The following PTPDC1 variants were observed in gnomAD, a reference collection of about 807,000 sequenced individuals.
PTPDC1 encodes protein tyrosine phosphatase domain containing 1.
In PTPDC1, 53 loss-of-function variants were observed where a neutral mutation model predicts 75.3. That is an observed-to-expected ratio of 0.70 (90% CI 0.56 to 0.88). PTPDC1 has a LOEUF of 0.88. Ranked by LOEUF, PTPDC1 falls within the 40% of genes least tolerant of loss-of-function variation. PTPDC1 has a pLI of 0.00. For missense variants in PTPDC1, 925 were observed against 998.6 expected (o/e 0.93, Z 0.99); for synonymous variants, 349 against 366.2 (o/e 0.95, Z 0.54).
chr9:94,067,486 C>T (rs2117885245), intron 2 of PTPDC1, among the ~76,000 whole-genome samples: 1 of 152,008 alleles, frequency 6.6e-6, no homozygotes, highest in Admixed American at 6.5e-5. Context: ...AATATCTAAA[C>T]AGTGTTCAAT....
intron 3 of PTPDC1, 54 bp from the exon 4 acceptor site, chr9:94,088,091 A>G (rs1047368277): frequency 6.3e-7 from 1 of 1,582,096 alleles, no homozygotes; most frequent in African/African-American, 1.4e-5. Flanking sequence ...AAAAATGGTT[A>G]ATTTTTTTTA....
intron 2 of PTPDC1, among the ~76,000 whole-genome samples, chr9:94,079,291 G>GTT (rs998615806): frequency 6.7e-6 from 1 of 148,394 alleles, no homozygotes; most frequent in Non-Finnish European, 1.5e-5. Flanking sequence ...GAAGACAGTG[G>GTT]TTTTTTTTTA....
chr9:94,077,459 G>A (rs1826733124), intron 2 of PTPDC1, among the ~76,000 whole-genome samples: 1 of 152,120 alleles, frequency 6.6e-6, no homozygotes, highest in Non-Finnish European at 1.5e-5. Flanking sequence ...TATAAATTGG[G>A]GTTCCCACAC....
chr9:94,062,686 A>G (rs1423589426), intron 1 of PTPDC1, among the ~76,000 whole-genome samples: 1 of 152,128 alleles, frequency 6.6e-6, no homozygotes, highest in African/African-American at 2.4e-5. Context: ...CTACCACAAC[A>G]TCAAGGAGAT....
intron 2 of PTPDC1, among the ~76,000 whole-genome samples, chr9:94,077,275 A>G (rs956782480): frequency 1.3e-5 from 2 of 152,224 alleles, no homozygotes; most frequent in East Asian, 3.8e-4. Flanking sequence ...CAAACAAGCA[A>G]TAAATTCTGC....
upstream of PTPDC1, among the ~76,000 whole-genome samples, chr9:94,083,470 T>A (rs1486463801): frequency 6.7e-6 from 1 of 149,678 alleles, no homozygotes; most frequent in Admixed American, 6.7e-5. Context: ...AAAAAAAAAA[T>A]AGAAAATAGC....
chr9:94,084,458 G>C, upstream of PTPDC1: 1 of 1,583,268 alleles, frequency 6.3e-7, no homozygotes. Context: ...AATGCTCCCT[G>C]CTCTCAGTGA....
At chr9:94,066,703 G>A (rs141238061) in intron 2 of PTPDC1, among the ~76,000 whole-genome samples, 220 of 152,004 alleles carry the variant, frequency 1.4e-3, no homozygotes, top group Non-Finnish European at 2.4e-3. Context: ...GACCACAGGT[G>A]CATGCCACCA....
chr9:94,042,578 C>G (rs150588889), intron 1 of PTPDC1, among the ~76,000 whole-genome samples: 1 of 152,290 alleles, frequency 6.6e-6, no homozygotes, highest in Non-Finnish European at 1.5e-5. Flanking sequence ...ATCAACTGAG[C>G]CTCCAGTGAG....
intron 1 of PTPDC1, among the ~76,000 whole-genome samples, chr9:94,045,788 G>A (rs1825577945): frequency 1.3e-5 from 2 of 151,450 alleles, no homozygotes; most frequent in Non-Finnish European, 3.0e-5. Flanking sequence ...CTCCCATTCT[G>A]TAGGTTGCCT....
At chr9:94,070,291 G>T (rs1019432930) in intron 2 of PTPDC1, among the ~76,000 whole-genome samples, 1 of 151,876 alleles carries the variant, frequency 6.6e-6, no homozygotes, top group Admixed American at 6.6e-5. Context: ...CACCCAACTC[G>T]GCTGTATTTT....
chr9:94,046,771 T>A (rs1239676995), intron 1 of PTPDC1, among the ~76,000 whole-genome samples: 3 of 152,202 alleles, frequency 2.0e-5, no homozygotes, highest in Admixed American at 2.0e-4. Flanking sequence ...TTTCTAGATA[T>A]ACAATCATGT....
At chr9:94,037,974 A>G (rs896020499) in intron 1 of PTPDC1, 17 of 286,154 alleles carry the variant, frequency 5.9e-5, no homozygotes, top group Admixed American at 3.1e-4. Context: ...AGAGAGTGGG[A>G]CGTCCGGCTT....
At chr9:94,071,491 A>C (rs953723089) in intron 2 of PTPDC1, among the ~76,000 whole-genome samples, 7 of 151,766 alleles carry the variant, frequency 4.6e-5, no homozygotes, top group African/African-American at 1.7e-4. Flanking sequence ...AAAGTTTTTA[A>C]TTTTCATGAA....
intron 1 of PTPDC1, among the ~76,000 whole-genome samples, chr9:94,054,065 A>C (rs1050819763): frequency 1.3e-5 from 2 of 152,228 alleles, no homozygotes; most frequent in Non-Finnish European, 2.9e-5. Context: ...TAGGCTTTGG[A>C]GATAAAGCAG....
At chr9:94,038,193 A>G in intron 1 of PTPDC1, 2 of 748,992 alleles carry the variant, frequency 2.7e-6, no homozygotes, top group Non-Finnish European at 4.7e-6. Flanking sequence ...GCCAATAAAA[A>G]CAAAGGCATC....
chr9:94,058,881 C>T (rs929181210), intron 1 of PTPDC1, among the ~76,000 whole-genome samples: 2 of 151,710 alleles, frequency 1.3e-5, no homozygotes, highest in Non-Finnish European at 2.9e-5. Context: ...GTCCCAGCTA[C>T]TTGGGAGGCT....
chr9:94,038,944 A>G lies in PTPDC1; in HGVS notation c.-7+7817A>G, dbSNP rs1256473186. 2.0e-5 allele frequency among the ~76,000 whole-genome samples: 3 copies of G among 152,198 alleles called. No homozygotes were observed. In the East Asian group the frequency reaches 5.8e-4, roughly 29 times the overall value. On this transcript the variant is annotated intron_variant, in intron 1 of 9. Transcript: ENST00000375360. ...ATATCAAAGATCATTTAACACTTTT[A>G]AAATTTTATAGATGATCTATAAGGT...
intron 3 of PTPDC1, 35 bp from the exon 4 acceptor site, chr9:94,088,110 C>T (rs1008411456): frequency 6.3e-7 from 1 of 1,598,372 alleles, no homozygotes; most frequent in Non-Finnish European, 8.5e-7. Flanking sequence ...TAAATGCTAG[C>T]TCCCAATATG....
Sources: gnomAD v4.1 joint callset for allele counts (sites outside exome capture counted in the v4.1 genomes callset) on GRCh38, gnomAD v4.1.1 for gene constraint, MANE v1.5 for transcripts, NCBI Gene and HGNC (gene_info 2026-07-23, HGNC 2026-07-21) for gene names.